CMKLR2: variants seen among roughly 807,000 people sequenced by gnomAD.
CMKLR2 encodes the protein chemerin-like receptor 2.
A neutral mutation model predicts 23.0 loss-of-function variants in CMKLR2; 18 were observed. That is an observed-to-expected ratio of 0.78 (90% confidence interval 0.54 to 1.16). CMKLR2 has a LOEUF of 1.16. Ranked by LOEUF, CMKLR2 falls within the 50% of genes most tolerant of loss-of-function variation. The pLI, the probability that CMKLR2 is intolerant of heterozygous loss-of-function variation, is 0.00. For missense variants in CMKLR2, 401 were observed against 412.7 expected (o/e 0.97, Z 0.25); for synonymous variants, 158 against 158.9 (o/e 0.99, Z 0.05).
At chr2:206,200,380 G>A (rs755849488) in intron 1 of CMKLR2, among the ~76,000 whole-genome samples, 52 of 152,082 alleles carry the variant, frequency 3.4e-4, no homozygotes, top group Non-Finnish European at 5.3e-4. Flanking sequence ...CCGAGATGGC[G>A]CCATTGCACT....
chr2:206,205,988 T>A (rs1386647405), intron 1 of CMKLR2, among the ~76,000 whole-genome samples: 1 of 152,132 alleles, frequency 6.6e-6, no homozygotes, highest in Non-Finnish European at 1.5e-5. Flanking sequence ...CATGAGCCAC[T>A]GCGCCTGGCC....
intron 1 of CMKLR2, among the ~76,000 whole-genome samples, chr2:206,201,105 C>A (rs1044393392): frequency 6.6e-6 from 1 of 152,080 alleles, no homozygotes; most frequent in Non-Finnish European, 1.5e-5. Flanking sequence ...GCACCCACCA[C>A]CACTCCTGGC....
intron 1 of CMKLR2, among the ~76,000 whole-genome samples, chr2:206,197,827 C>A (rs1326140974): frequency 2.0e-5 from 3 of 152,224 alleles, no homozygotes; most frequent in African/African-American, 7.2e-5. Flanking sequence ...CCATGCTCAA[C>A]CCAGTCTCAC....
rs781030355 is a variant in CMKLR2, at chr2:206,177,198, T to C, written c.50A>G (p.Tyr17Cys). The change falls in exon 2 of 2, where the codon TAT becomes TGT. Residue 17 changes from tyrosine (Y) to cysteine (C), a missense_variant. By Grantham distance (194) the Tyr-to-Cys change is radical. Coordinates refer to ENST00000621141, the MANE Select transcript of CMKLR2 (RefSeq NM_001389445.1). ...CTCCAGAGAGTAATAGTCTAGGTCA[T>C]AGGAATAGTTTTCAAATTCTTCAAA... is the stretch of plus-strand genomic sequence containing the variant. Reference protein sequence around the residue: ...TLFEEFENYSYDLDYYSLESD... With the variant: ...TLFEEFENYSCDLDYYSLESD... The C allele has an allele frequency of 3.1e-6, 5 of 1,610,960 alleles. 1 individual carries two copies. The South Asian group carries it at 3.3e-5, about 11-fold the overall frequency.
intron 1 of CMKLR2, among the ~76,000 whole-genome samples, chr2:206,185,727 G>A (rs1688557326): frequency 6.6e-6 from 1 of 152,166 alleles, no homozygotes; most frequent in Non-Finnish European, 1.5e-5. Context: ...AGATGACGGT[G>A]GCTTGGATTA....
intron 1 of CMKLR2, among the ~76,000 whole-genome samples, chr2:206,192,260 A>G (rs919599977): frequency 9.2e-5 from 14 of 151,588 alleles, no homozygotes; most frequent in African/African-American, 3.4e-4. Context: ...GATTGCAAAA[A>G]TGAGCTACCG....
intron 1 of CMKLR2, among the ~76,000 whole-genome samples, chr2:206,198,955 A>G (rs1369678023): frequency 6.6e-6 from 1 of 152,254 alleles, no homozygotes; most frequent in Admixed American, 6.5e-5. Flanking sequence ...AGCAGTGCCC[A>G]GAACAGCTGT....
At chr2:206,206,226 T>C (rs939394239) in intron 1 of CMKLR2, among the ~76,000 whole-genome samples, 1 of 152,198 alleles carries the variant, frequency 6.6e-6, no homozygotes, top group African/African-American at 2.4e-5. Context: ...TGTAAAGAAC[T>C]GTAATTAAGT....
intron 1 of CMKLR2, among the ~76,000 whole-genome samples, chr2:206,182,488 C>A (rs1172330111): frequency 2.0e-5 from 3 of 152,184 alleles, no homozygotes; most frequent in Non-Finnish European, 4.4e-5. Flanking sequence ...CTTAATATAT[C>A]ACAGGTGATT....
intron 1 of CMKLR2, among the ~76,000 whole-genome samples, chr2:206,191,663 CTCTT>C (rs1286500275): frequency 4.7e-5 from 7 of 147,424 alleles, no homozygotes; most frequent in Admixed American, 2.0e-4. Flanking sequence ...TCTCTTACTT[CTCTT>C]TCTTTTTTTT....
chr2:206,200,942 T>C (rs1265291958), intron 1 of CMKLR2, among the ~76,000 whole-genome samples: 3 of 152,188 alleles, frequency 2.0e-5, no homozygotes, highest in Admixed American at 2.0e-4. Context: ...CTTTCTTCCT[T>C]GCGTTTTATT....
chr2:206,214,623 T>A (rs186910132), upstream of CMKLR2, among the ~76,000 whole-genome samples: 42 of 151,922 alleles, frequency 2.8e-4, no homozygotes, highest in East Asian at 7.8e-4. Context: ...AATTTTATTT[T>A]TTATTATTAT....
upstream of CMKLR2, among the ~76,000 whole-genome samples, chr2:206,215,846 G>A (rs1458617987): frequency 6.6e-6 from 1 of 152,204 alleles, no homozygotes; most frequent in Non-Finnish European, 1.5e-5. Context: ...CATTGGTTAA[G>A]CTGGTGGGTC....
chr2:206,176,818 A>G lies in CMKLR2; in HGVS notation c.430T>C (p.Leu144=), dbSNP rs1353739535. The G allele has an allele frequency of 6.2e-7, 1 of 1,614,080 alleles. No individual in the cohort carries two copies. Among genetic ancestry groups the G allele is most frequent in the Admixed American group, 1.7e-5 (1 of 59,996 alleles). The change falls in exon 2 of 2, where the codon TTA becomes CTA. Residue 144 remains leucine (L), a synonymous_variant. Coordinates refer to ENST00000621141, the MANE Select transcript of CMKLR2 (RefSeq NM_001389445.1). ...TTGAGGGTTCGATGCCGATGAGATA[A>G]GACAGGATGGATCAAGTGGATATAG... ...DHYIHLIHPV[L]SHRHRTLKNS... is the part of the protein sequence containing the mutation.
At chr2:206,191,681 T>A (rs570361895) in intron 1 of CMKLR2, among the ~76,000 whole-genome samples, 342 of 150,820 alleles carry the variant, frequency 2.3e-3, no homozygotes, top group Non-Finnish European at 3.9e-3. Context: ...TTTTTTTTTT[T>A]TTTTTAGACA....
chr2:206,213,585 TAAG>T (rs916962364), upstream of CMKLR2: 3 of 152,192 alleles, frequency 2.0e-5, no homozygotes, highest in Admixed American at 6.5e-5. Flanking sequence ...TATGTTTGTG[TAAG>T]AAGTTTGTTT....
In CMKLR2 at chr2:206,176,653, T is replaced by C; in HGVS notation, c.595A>G (p.Thr199Ala). ...GTCAGAACATGGTGCCTGATCAAAG[T>C]GAGGTCAGGATCATGCTTCTGAAAA... ...NNFQKHDPDL[T>A]LIRHHVLTWV... Residue 199 changes from threonine (T) to alanine (A), a missense_variant, in exon 2 of 2, where the codon ACT becomes GCT. Transcript: ENST00000621141. The C allele has an allele frequency of 6.2e-7, 1 of 1,614,144 alleles. No homozygotes were observed. Among genetic ancestry groups the C allele is most frequent in the Non-Finnish European group, 8.5e-7 (1 of 1,180,004 alleles).
intron 1 of CMKLR2, among the ~76,000 whole-genome samples, chr2:206,207,076 A>C (rs1320521979): frequency 6.6e-6 from 1 of 151,042 alleles, no homozygotes; most frequent in Non-Finnish European, 1.5e-5. Context: ...AGATGATGAG[A>C]TTTTTCTCTA....
At chr2:206,191,592 T>C (rs1576048988) in intron 1 of CMKLR2, among the ~76,000 whole-genome samples, 1 of 152,108 alleles carries the variant, frequency 6.6e-6, no homozygotes, top group Non-Finnish European at 1.5e-5. Flanking sequence ...CAAAATGCCA[T>C]GTTTATCACC....
Sources: allele counts gnomAD v4.1 joint callset (sites outside exome capture counted in the v4.1 genomes callset), GRCh38; gene constraint gnomAD v4.1.1; transcripts MANE v1.5; gene names NCBI Gene and HGNC (gene_info 2026-07-23, HGNC 2026-07-21).